Variants in ABCA13 observed in about 807,000 individuals in gnomAD.
ABCA13 encodes the protein ATP binding cassette subfamily A member 13.
Under a neutral mutation model 478.7 loss-of-function variants are expected in ABCA13, and 476 were observed. The observed-to-expected ratio is 0.99, with a 90% CI of 0.92 to 1.07. The LOEUF (loss-of-function observed/expected upper bound fraction) is 1.07. Ranked by LOEUF, ABCA13 falls within the 50% of genes least tolerant of loss-of-function variation. ABCA13 has a pLI of 0.00. For synonymous variants in ABCA13, 2,252 were observed against 2,158.9 expected, an observed-to-expected ratio of 1.04 and a Z score of -1.20; for missense variants, 6,060 against 5,910.6, an observed-to-expected ratio of 1.03 and a Z score of -0.83.
chr7:48,180,297 C>T (rs1795486605), intron 1 of ABCA13, among the ~76,000 whole-genome samples: 1 of 152,154 alleles, frequency 6.6e-6, no homozygotes, highest in Admixed American at 6.5e-5. Flanking sequence ...GGTGTGAGTC[C>T]CAAATTCCAG....
intron 31 of ABCA13, among the ~76,000 whole-genome samples, chr7:48,353,686 C>T (rs1398130299): frequency 6.6e-6 from 1 of 151,706 alleles, no homozygotes; most frequent in Non-Finnish European, 1.5e-5. Context: ...TACATAATAG[C>T]ACATCCACAC....
chr7:48,645,025 A>G (rs369668688), intron 61 of ABCA13, among the ~76,000 whole-genome samples: 1 of 152,156 alleles, frequency 6.6e-6, no homozygotes, highest in Admixed American at 6.5e-5. Context: ...TAACCTTCCT[A>G]TCTCCACCTT....
intron 38 of ABCA13, among the ~76,000 whole-genome samples, chr7:48,393,346 A>G (rs1013155784): frequency 3.3e-5 from 5 of 152,208 alleles, no homozygotes; most frequent in Non-Finnish European, 5.9e-5. Flanking sequence ...TCCTGGGGCT[A>G]GTGCTGCATG....
At chr7:48,455,009 G>A (rs1825492425) in intron 42 of ABCA13, 28 bp from the exon 43 acceptor site, 1 of 1,471,960 alleles carries the variant, frequency 6.8e-7, no homozygotes, top group Non-Finnish European at 9.0e-7. Context: ...AGCTGACCCA[G>A]CCGCCCTTCC....
chr7:48,600,181 C>T (rs541454644), intron 58 of ABCA13, among the ~76,000 whole-genome samples: 6 of 152,170 alleles, frequency 3.9e-5, no homozygotes, highest in African/African-American at 1.4e-4. Context: ...CTCTGTTTTA[C>T]TCTAGCAGTA....
intron 50 of ABCA13, among the ~76,000 whole-genome samples, chr7:48,510,183 G>GC (rs11455540): frequency 1 from 152,321 of 152,332 alleles, 76,155 homozygotes; most frequent in Middle Eastern, 1. Context: ...GATACAGTTG[G>GC]CCATGACTGG....
At chr7:48,284,257 CA>C (rs940711791) in intron 19 of ABCA13, among the ~76,000 whole-genome samples, 34 of 152,174 alleles carry the variant, frequency 2.2e-4, no homozygotes, top group African/African-American at 8.2e-4. Flanking sequence ...GAGTAAGAAA[CA>C]GAGGGAGAAG....
intron 1 of ABCA13, among the ~76,000 whole-genome samples, chr7:48,185,814 C>T (rs1317768361): frequency 6.6e-6 from 1 of 151,836 alleles, no homozygotes; most frequent in East Asian, 1.9e-4. Context: ...AATTTTCTTC[C>T]TGTAATAAAA....
intron 42 of ABCA13, among the ~76,000 whole-genome samples, chr7:48,434,853 C>G (rs929728062): frequency 6.6e-6 from 1 of 151,734 alleles, no homozygotes; most frequent in African/African-American, 2.4e-5. Context: ...TATTTTATTC[C>G]ATTGGTCTTT....
rs542764584 is a variant in ABCA13 at position 48,322,958 on chromosome 7, G to GA, written c.9999+5665dup. 5.3e-5 allele frequency among the ~76,000 whole-genome samples: 8 copies of GA among 152,238 alleles called. No individual in the cohort carries two copies. The South Asian group carries it at 1.7e-3, about 32-fold the overall frequency. On this transcript the variant is annotated intron_variant, in intron 27 of 61. Transcript: ENST00000435803. ...AATGGAATCATCATCTGTAACCTTT[G>GA]AAAGTGGTCTCTTTTGCTCAGTACG...
In ABCA13 at chr7:48,274,406, AT is replaced by A; in HGVS notation, c.4743del (p.Phe1581LeufsTer10). On this transcript the variant is annotated frameshift_variant, in exon 17 of 62. Transcript: ENST00000435803. LOFTEE classifies it high-confidence loss of function. Reference sequence around the variant, plus strand: ...CTAAAACTGAAAACTTGTTAAACATATTTGCCACCAGTCCAAAAGAAAAGGA... The same window carrying A: ...CTAAAACTGAAAACTTGTTAAACATATTGCCACCAGTCCAAAAGAAAAGGA... ...SSKTENLLNI[F>X]ATSPKEKDVN... The A allele has an allele frequency of 6.2e-7, 1 of 1,612,770 alleles. No individual in the cohort carries two copies.
intron 59 of ABCA13, among the ~76,000 whole-genome samples, chr7:48,621,773 A>G (rs1793162359): frequency 6.6e-6 from 1 of 152,248 alleles, no homozygotes; most frequent in South Asian, 2.1e-4. Context: ...AATCATGTCT[A>G]TGGTTTATCA....
At chr7:48,484,866 C>G (rs1364013932) in intron 47 of ABCA13, among the ~76,000 whole-genome samples, 1 of 152,232 alleles carries the variant, frequency 6.6e-6, no homozygotes, top group Non-Finnish European at 1.5e-5. Flanking sequence ...AATACCAGAA[C>G]TGCTGGCGGC....
chr7:48,351,118 T>A (rs17132249), intron 30 of ABCA13, among the ~76,000 whole-genome samples: 12,592 of 152,278 alleles, frequency 0.083, 571 homozygotes, highest in East Asian at 0.16. Context: ...CATCATGTTC[T>A]AGTTAAATCT....
chr7:48,266,425 A>G (rs1794879033), intron 15 of ABCA13, among the ~76,000 whole-genome samples: 1 of 151,804 alleles, frequency 6.6e-6, no homozygotes, highest in South Asian at 2.1e-4. Flanking sequence ...AAGATATTTA[A>G]TTACAAATTC....
At chr7:48,353,411 A>G (rs1358345512) in intron 31 of ABCA13, among the ~76,000 whole-genome samples, 2 of 151,500 alleles carry the variant, frequency 1.3e-5, no homozygotes, top group Non-Finnish European at 2.9e-5. Flanking sequence ...TCTCAAAAGC[A>G]CACTAGGAAG....
chr7:48,559,001 C>CA, intron 55 of ABCA13, among the ~76,000 whole-genome samples: 1 of 152,190 alleles, frequency 6.6e-6, no homozygotes, highest in Non-Finnish European at 1.5e-5. Flanking sequence ...CTGCTAATGT[C>CA]TATCTAACTA....
intron 31 of ABCA13, among the ~76,000 whole-genome samples, chr7:48,366,499 G>A (rs1376051815): frequency 6.6e-6 from 1 of 152,102 alleles, no homozygotes; most frequent in African/African-American, 2.4e-5. Context: ...TGGGTAGTCT[G>A]TGAAGAAGAG....
At position 48,281,807 on chromosome 7, in the gene ABCA13, A is replaced by G. The variant is rs1174274488; in HGVS notation, c.8836+355A>G. On this transcript the variant is annotated intron_variant, in intron 19 of 61. Coordinates refer to ENST00000435803, the MANE Select transcript of ABCA13 (RefSeq NM_152701.5). ...GTGTTCCCCCATCTCCTTTACTGGC[A>G]AAGACCTTGAGGAGACTTTGATCAC... is the stretch of plus-strand genomic sequence containing the variant. 4.6e-5 allele frequency among the ~76,000 whole-genome samples: 7 copies of G among 152,332 alleles called. No homozygotes were observed. The South Asian group carries it at 1.4e-3, about 32-fold the overall frequency.
Sources: allele counts gnomAD v4.1 joint callset (sites outside exome capture counted in the v4.1 genomes callset), GRCh38; gene constraint gnomAD v4.1.1; transcripts MANE v1.5; gene names NCBI Gene and HGNC (gene_info 2026-07-23, HGNC 2026-07-21).